The following KCND2 variants were observed in gnomAD, a reference collection of about 807,000 sequenced individuals.
The protein encoded by KCND2 is A-type voltage-gated potassium channel KCND2.
KCND2 carries 16 observed loss-of-function variants against 54.4 expected under a neutral mutation model. The observed-to-expected ratio is 0.29, with a 90% CI of 0.20 to 0.45. The LOEUF (loss-of-function observed/expected upper bound fraction) is 0.45, where lower values mean the gene tolerates loss of function less well. KCND2 is among the 20% of genes least tolerant of loss of function. KCND2 has a pLI of 1.00. For missense variants in KCND2, 486 were observed against 824.2 expected (o/e 0.59, Z 5.02); for synonymous variants, 317 against 310.7 (o/e 1.02, Z -0.21).
At chr7:120,582,326 C>T (rs948332151) in intron 1 of KCND2, among the ~76,000 whole-genome samples, 2 of 152,068 alleles carry the variant, frequency 1.3e-5, no homozygotes, top group African/African-American at 2.4e-5. Context: ...CAAATCTAAA[C>T]GTTCCCAATT....
intron 1 of KCND2, among the ~76,000 whole-genome samples, chr7:120,472,470 A>G (rs1221099968): frequency 6.6e-6 from 1 of 152,090 alleles, no homozygotes; most frequent in East Asian, 1.9e-4. Flanking sequence ...CTCTGTCATC[A>G]GCTTGCTATC....
At chr7:120,570,714 T>C (rs1368673955) in intron 1 of KCND2, among the ~76,000 whole-genome samples, 1 of 152,108 alleles carries the variant, frequency 6.6e-6, no homozygotes, top group Admixed American at 6.6e-5. Context: ...ACTCCATTAT[T>C]TAGTATAGTT....
intron 1 of KCND2, among the ~76,000 whole-genome samples, chr7:120,638,784 A>G (rs1793337036): frequency 6.6e-6 from 1 of 152,124 alleles, no homozygotes; most frequent in Non-Finnish European, 1.5e-5. Context: ...AAGTATTCAG[A>G]CCTGCGTTGG....
intron 1 of KCND2, among the ~76,000 whole-genome samples, chr7:120,416,347 T>C (rs57411631): frequency 6.6e-6 from 1 of 152,132 alleles, no homozygotes; most frequent in Non-Finnish European, 1.5e-5. Context: ...GCACCCCTAC[T>C]CACACACACA....
intron 1 of KCND2, among the ~76,000 whole-genome samples, chr7:120,712,819 C>T (rs190936641): frequency 2.0e-4 from 31 of 152,242 alleles, no homozygotes; most frequent in African/African-American, 7.0e-4. Flanking sequence ...TAACCTATCC[C>T]GATTTCCTTC....
chr7:120,420,352 C>T (rs550279399), intron 1 of KCND2, among the ~76,000 whole-genome samples: 2 of 152,038 alleles, frequency 1.3e-5, no homozygotes, highest in Non-Finnish European at 2.9e-5. Context: ...ACCAGTGGTT[C>T]AATAGAACAG....
chr7:120,524,752 T>G (rs1411262574), intron 1 of KCND2, among the ~76,000 whole-genome samples: 2 of 152,314 alleles, frequency 1.3e-5, no homozygotes, highest in East Asian at 3.9e-4. Flanking sequence ...TAATGCACAT[T>G]CTATGAAGCT....
intron 1 of KCND2, among the ~76,000 whole-genome samples, chr7:120,579,556 C>T (rs564096318): frequency 1.7e-4 from 26 of 150,376 alleles, no homozygotes; most frequent in Non-Finnish European, 3.0e-4. Flanking sequence ...GAGCCAAGAT[C>T]GCGCCACTGC....
intron 1 of KCND2, among the ~76,000 whole-genome samples, chr7:120,694,741 C>T (rs112809287): frequency 1.9e-4 from 29 of 152,194 alleles, no homozygotes; most frequent in African/African-American, 6.7e-4. Flanking sequence ...TGAAGTTGAC[C>T]GTCAGCATTG....
At chr7:120,431,615 T>C (rs551608985) in intron 1 of KCND2, among the ~76,000 whole-genome samples, 3 of 152,300 alleles carry the variant, frequency 2.0e-5, no homozygotes, top group East Asian at 1.9e-4. Flanking sequence ...TTCAGAGCCA[T>C]TGGAGAAAGG....
intron 1 of KCND2, among the ~76,000 whole-genome samples, chr7:120,489,038 C>G (rs980328013): frequency 3.3e-5 from 5 of 152,112 alleles, no homozygotes; most frequent in Non-Finnish European, 5.9e-5. Context: ...AATTACCACT[C>G]TGCTAGAAAT....
chr7:120,691,365 G>A (rs548948126), intron 1 of KCND2, among the ~76,000 whole-genome samples: 1 of 152,322 alleles, frequency 6.6e-6, no homozygotes, highest in South Asian at 2.1e-4. Context: ...GAAGATGGTG[G>A]TTTGAACCAG....
At chr7:120,351,621 T>A (rs1247228926) in intron 1 of KCND2, among the ~76,000 whole-genome samples, 1 of 151,976 alleles carries the variant, frequency 6.6e-6, no homozygotes, top group Non-Finnish European at 1.5e-5. Flanking sequence ...ATAATTTATT[T>A]TCAACGTTTA....
At chr7:120,478,170 C>T (rs1185594764) in intron 1 of KCND2, among the ~76,000 whole-genome samples, 33 of 152,082 alleles carry the variant, frequency 2.2e-4, no homozygotes, top group Admixed American at 2.2e-3. Context: ...TTTGTAATTA[C>T]TCTGTTAGGT....
intron 1 of KCND2, among the ~76,000 whole-genome samples, chr7:120,501,532 A>G (rs1289239810): frequency 6.6e-6 from 1 of 152,178 alleles, no homozygotes; most frequent in East Asian, 1.9e-4. Flanking sequence ...CTTTCAGAGC[A>G]TCACCTTCAC....
intron 1 of KCND2, among the ~76,000 whole-genome samples, chr7:120,665,927 T>A (rs1791920778): frequency 6.6e-6 from 1 of 152,082 alleles, no homozygotes; most frequent in Non-Finnish European, 1.5e-5. Flanking sequence ...CGGTCCATAT[T>A]TTTTACAAAT....
chr7:120,716,923 A>T (rs930569100), intron 1 of KCND2, among the ~76,000 whole-genome samples: 3 of 151,896 alleles, frequency 2.0e-5, no homozygotes, highest in Non-Finnish European at 4.4e-5. Flanking sequence ...TGAACTCAAT[A>T]TTTTTTTTCT....
At chr7:120,339,053 A>AT (rs111566147) in intron 1 of KCND2, among the ~76,000 whole-genome samples, 18,505 of 141,102 alleles carry the variant, frequency 0.13, 2,143 homozygotes, top group African/African-American at 0.32. Context: ...GCTAATTATT[A>AT]TTTTTTTTTT....
At chr7:120,694,421 T>C (rs1478370495) in intron 1 of KCND2, among the ~76,000 whole-genome samples, 2 of 152,176 alleles carry the variant, frequency 1.3e-5, no homozygotes, top group East Asian at 3.9e-4. Flanking sequence ...TAAATAATGA[T>C]GACTTATAAA....
Sources: allele counts gnomAD v4.1 joint callset (sites outside exome capture counted in the v4.1 genomes callset), GRCh38; gene constraint gnomAD v4.1.1; transcripts MANE v1.5; gene names NCBI Gene and HGNC (gene_info 2026-07-23, HGNC 2026-07-21).